KLF8: variants seen among roughly 807,000 people sequenced by gnomAD.
The protein encoded by KLF8 is KLF transcription factor 8, also known as Krueppel-like factor 8.
A neutral mutation model predicts 18.2 loss-of-function variants in KLF8; 10 were observed. That is an observed-to-expected ratio of 0.55 (90% CI 0.34 to 0.93). The LOEUF is 0.93. Among genes scored for constraint, KLF8 ranks in the 40% least tolerant of loss-of-function variants. The pLI, the probability that KLF8 is intolerant of heterozygous loss-of-function variation, is 0.02. For missense variants in KLF8, 264 were observed against 277.9 expected, an observed-to-expected ratio of 0.95 and a Z score of 0.36; for synonymous variants, 109 against 97.3, an observed-to-expected ratio of 1.12 and a Z score of -0.71.
the KLF8 span, among the ~76,000 whole-genome samples, chrX:56,207,634 G>A: frequency 9.0e-6 from 1 of 111,153 alleles, no homozygotes; most frequent in Admixed American, 9.6e-5. Context: ...GGACTTTATT[G>A]CCCATATCAC....
rs1294710476 is a variant in KLF8, at chrX:56,291,085, G to A, written c.*6591G>A. 1.8e-5 allele frequency among the ~76,000 whole-genome samples: 2 copies of A among 111,679 alleles called. No homozygotes were observed. Among genetic ancestry groups the A allele is most frequent in the Non-Finnish European group, 3.8e-5 (2 of 53,071 alleles). On this transcript the variant is annotated 3_prime_UTR_variant, in exon 6 of 6. Coordinates refer to ENST00000468660, the MANE Select transcript of KLF8 (RefSeq NM_007250.5). ...TGACAGGCAGTCACACAGGTGAGCA[G>A]TGCCAGAAACTGGTTCTCTTTTTTG...
At chrX:56,088,215 G>C in the KLF8 span, among the ~76,000 whole-genome samples, 1 of 111,340 alleles carries the variant, frequency 9.0e-6, no homozygotes. Flanking sequence ...CGTATACCTA[G>C]AAAAAATAAA....
chrX:56,147,579 A>G, the KLF8 span, among the ~76,000 whole-genome samples: 1 of 112,533 alleles, frequency 8.9e-6, no homozygotes, highest in Non-Finnish European at 1.9e-5. Flanking sequence ...AACCTATAGA[A>G]ATACAAAGGA....
At chrX:56,025,419 G>A in the KLF8 span, among the ~76,000 whole-genome samples, 53 of 111,778 alleles carry the variant, frequency 4.7e-4, no homozygotes, top group Middle Eastern at 4.6e-3. Context: ...AGGAGGGGCT[G>A]CTTTTTCCTT....
the KLF8 span, among the ~76,000 whole-genome samples, chrX:56,052,156 A>G: frequency 2.2e-4 from 24 of 110,668 alleles, no homozygotes; most frequent in Admixed American, 1.4e-3. Flanking sequence ...TGGTTATTCT[A>G]GTTATACATT....
the KLF8 span, among the ~76,000 whole-genome samples, chrX:55,988,416 A>G: frequency 3.6e-5 from 4 of 112,159 alleles, no homozygotes; most frequent in Non-Finnish European, 5.6e-5. Context: ...AGCTTTCTAC[A>G]TATGGCTAGC....
At chrX:56,048,272 T>C in the KLF8 span, among the ~76,000 whole-genome samples, 1 of 111,963 alleles carries the variant, frequency 8.9e-6, no homozygotes, top group Non-Finnish European at 1.9e-5. Context: ...TTTAGTTTAA[T>C]TAGATCCCAT....
the KLF8 span, among the ~76,000 whole-genome samples, chrX:55,933,462 A>G: frequency 8.9e-6 from 1 of 112,239 alleles, no homozygotes; most frequent in Admixed American, 9.5e-5. Context: ...AACAAAAAGA[A>G]TATTCCTGTT....
At position 56,290,643 on chromosome X, in the gene KLF8, G is replaced by A. The variant is rs2147718169; in HGVS notation, c.*6149G>A. Among the ~76,000 whole-genome samples the A allele has an allele frequency of 9.0e-6, 1 of 111,388 alleles. No individual in the cohort carries two copies. The highest frequency in any genetic ancestry group is 3.3e-5 in the African/African-American group (1 of 30,684). On this transcript the variant is annotated 3_prime_UTR_variant, in exon 6 of 6. Transcript: ENST00000468660. ...CACATTCCATGTCACATTCTCAGAAGCACAAAGGCAATTTTCCAGAGCCCT... is the reference window on the plus strand; with the variant it reads ...CACATTCCATGTCACATTCTCAGAAACACAAAGGCAATTTTCCAGAGCCCT...
chrX:56,022,505 C>T, the KLF8 span, among the ~76,000 whole-genome samples: 43 of 92,882 alleles, frequency 4.6e-4, no homozygotes, highest in Admixed American at 7.2e-4. Context: ...GCCGAGATCG[C>T]GCCACTACAC....
At chrX:56,071,258 G>C in the KLF8 span, among the ~76,000 whole-genome samples, 2 of 111,359 alleles carry the variant, frequency 1.8e-5, no homozygotes, top group South Asian at 7.5e-4. Flanking sequence ...AGTATTAAAA[G>C]ACAAAAAAAC....
the KLF8 span, among the ~76,000 whole-genome samples, chrX:56,058,285 T>TATATATATATATATAC: frequency 2.3e-5 from 1 of 42,837 alleles, no homozygotes; most frequent in African/African-American, 1.1e-4. Context: ...TATACATATA[T>TATATATATATATATAC]ATATATATAT....
At chrX:56,053,398 G>T in the KLF8 span, among the ~76,000 whole-genome samples, 4,892 of 110,988 alleles carry the variant, frequency 0.044, 279 homozygotes, top group African/African-American at 0.15. Flanking sequence ...TTAATATGCT[G>T]CCAGCTTCAG....
chrX:56,205,807 CTT>C, the KLF8 span, among the ~76,000 whole-genome samples: 5 of 111,613 alleles, frequency 4.5e-5, no homozygotes, highest in African/African-American at 1.6e-4. Context: ...TACTGGGAGA[CTT>C]TTTAATACAG....
Position 56,286,601 on chromosome X carries a change from G to A in KLF8, c.*2107G>A, listed in dbSNP as rs749857074. 3.6e-5 allele frequency: 4 copies of A among 112,569 alleles called. No individual in the cohort carries two copies. The South Asian group carries it at 1.1e-3, about 31-fold the overall frequency. 9.3% of individuals were successfully genotyped at this position (112,569 alleles called of 1,213,427 possible). Reference sequence around the variant, plus strand: ...GTAAAATGTACTTGTGGTCATTGCCGTATAACATTAGGCACACGCTTCTAA... The same window carrying A: ...GTAAAATGTACTTGTGGTCATTGCCATATAACATTAGGCACACGCTTCTAA... On this transcript the variant is annotated 3_prime_UTR_variant, in exon 6 of 6. Coordinates refer to ENST00000468660, the MANE Select transcript of KLF8 (RefSeq NM_007250.5).
chrX:56,153,197 G>T, the KLF8 span, among the ~76,000 whole-genome samples: 1 of 110,182 alleles, frequency 9.1e-6, no homozygotes, highest in Non-Finnish European at 1.9e-5. Context: ...AAAGAAATTA[G>T]GCTTAAGAGT....
the KLF8 span, among the ~76,000 whole-genome samples, chrX:56,078,238 T>C: frequency 8.9e-6 from 1 of 112,105 alleles, no homozygotes; most frequent in African/African-American, 3.2e-5. Flanking sequence ...AAGGGAATGC[T>C]TCCAGTTTTT....
At chrX:56,135,177 T>C in the KLF8 span, among the ~76,000 whole-genome samples, 2 of 111,016 alleles carry the variant, frequency 1.8e-5, no homozygotes, top group African/African-American at 6.6e-5. Flanking sequence ...GAAATACCAT[T>C]TGACCCAGCC....
chrX:56,064,050 T>C, the KLF8 span, among the ~76,000 whole-genome samples: 110 of 107,740 alleles, frequency 1.0e-3, no homozygotes, highest in African/African-American at 3.5e-3. Context: ...TACATGTATG[T>C]GTATATATAT....
Sources: allele counts gnomAD v4.1 joint callset (sites outside exome capture counted in the v4.1 genomes callset), GRCh38; gene constraint gnomAD v4.1.1; transcripts MANE v1.5; gene names NCBI Gene and HGNC (gene_info 2026-07-23, HGNC 2026-07-21).